MPP4: variants seen among roughly 807,000 people sequenced by gnomAD.
The protein encoded by MPP4 is MAGUK p55 scaffold protein 4.
In MPP4, 91 loss-of-function variants were observed where a neutral mutation model predicts 98.3. The ratio of observed to expected loss-of-function variants is 0.93; its 90% CI spans 0.78 to 1.10. MPP4 has a LOEUF of 1.10. MPP4 is among the 50% of genes least tolerant of loss of function. MPP4 has a pLI of 0.00. For synonymous variants in MPP4, 261 were observed against 271.8 expected (o/e 0.96, Z 0.39); for missense variants, 744 against 792.9 (o/e 0.94, Z 0.74).
At chr2:201,654,809 A>G in intron 18 of MPP4, 28 bp downstream of exon 18, 1 of 1,545,870 alleles carries the variant, frequency 6.5e-7, no homozygotes, top group Non-Finnish European at 8.8e-7. Context: ...CAAAACACAA[A>G]CCATTATGAA....
rs1687685012 is a variant in MPP4 at position 201,650,495 on chromosome 2, C to T, written c.1382-330G>A. On this transcript the variant is annotated intron_variant, in intron 18 of 21. Transcript: ENST00000409474. ...GAACCTTTAGATGCCTGAAAGCTCC[C>T]AGGTAGCAATACCAATAATATCTTA... 3 of 985,378 alleles carry T rather than the reference C, an allele frequency of 3.0e-6. No homozygotes were observed. In the African/African-American group the frequency reaches 5.2e-5, roughly 17 times the overall value. 61.0% of individuals were successfully genotyped at this position (985,378 alleles called of 1,614,324 possible).
intron 18 of MPP4, chr2:201,650,513 A>G (rs769571168): frequency 1.7e-5 from 17 of 985,312 alleles, no homozygotes; most frequent in Non-Finnish European, 2.0e-5. Context: ...AATACCAATA[A>G]TATCTTACAT....
chr2:201,693,062 AGGTGCG>A (rs1689084486), intron 2 of MPP4, 33 bp from the exon 3 acceptor site: 1 of 1,600,160 alleles, frequency 6.2e-7, no homozygotes, highest in African/African-American at 1.3e-5. Context: ...ATGGGGTGGC[AGGTGCG>A]GGTGTAAATG....
At chr2:201,694,608 CTTTTTTTTTTTTT>C (rs777556505) in intron 1 of MPP4, among the ~76,000 whole-genome samples, 8 of 78,870 alleles carry the variant, frequency 1.0e-4, no homozygotes, top group South Asian at 1.1e-3. Context: ...TTCTTTTTCC[CTTTTTTTTTTTTT>C]TTTTTTTTTT....
At chr2:201,692,078 C>T (rs533884002) in intron 3 of MPP4, among the ~76,000 whole-genome samples, 52 of 152,220 alleles carry the variant, frequency 3.4e-4, no homozygotes, top group Non-Finnish European at 6.0e-4. Context: ...TTCTCCTCCA[C>T]CTAAGTTAAT....
At chr2:201,658,153 T>C (rs951595222) in intron 16 of MPP4, among the ~76,000 whole-genome samples, 1 of 152,116 alleles carries the variant, frequency 6.6e-6, no homozygotes, top group Non-Finnish European at 1.5e-5. Context: ...GATAGAAATG[T>C]GGCCATAAGA....
intron 16 of MPP4, among the ~76,000 whole-genome samples, chr2:201,658,049 C>G (rs1399876519): frequency 6.6e-6 from 1 of 151,110 alleles, no homozygotes; most frequent in Non-Finnish European, 1.5e-5. Context: ...TGCGGCTCTG[C>G]TAGTTTTCCC....
In MPP4 at chr2:201,686,027, C is replaced by T. The variant is rs766620974; in HGVS notation, c.384G>A (p.Thr128=). The T allele has an allele frequency of 8.1e-6, 13 of 1,612,074 alleles. No homozygotes were observed. Among genetic ancestry groups the T allele is most frequent in the Middle Eastern group, 1.7e-4 (1 of 6,040 alleles). The change falls in exon 6 of 22, where the codon ACG becomes ACA. Residue 128 remains threonine, a synonymous_variant. Coordinates refer to ENST00000409474, the MANE Select transcript of MPP4 (RefSeq NM_033066.3). ...HFKALLSAHD[T]IAQKDFEPLL... is the part of the protein sequence containing the mutation. Reference sequence around the variant, plus strand: ...GGGGTTCAAAATCTTTCTGAGCTATCGTGTCATGGGCACTGAGCAAGGCCT... The same window carrying T: ...GGGGTTCAAAATCTTTCTGAGCTATTGTGTCATGGGCACTGAGCAAGGCCT...
intron 13 of MPP4, chr2:201,664,413 T>C: frequency 1.6e-5 from 17 of 1,092,584 alleles, no homozygotes; most frequent in Non-Finnish European, 2.1e-5. Flanking sequence ...GAAAGTGGAA[T>C]GTCAGGGAAA....
chr2:201,648,482 A>T (rs1343418465), intron 20 of MPP4, among the ~76,000 whole-genome samples: 1 of 152,242 alleles, frequency 6.6e-6, no homozygotes, highest in East Asian at 1.9e-4. Context: ...TTGAAGATGT[A>T]GTTTTAGAAT....
chr2:201,687,479 A>C, intron 4 of MPP4, 108 bp from the exon 5 acceptor site: 1 of 752,484 alleles, frequency 1.3e-6, no homozygotes, highest in Non-Finnish European at 2.1e-6. Context: ...TTGACCTTTA[A>C]AAAGCTATTA....
intron 10 of MPP4, among the ~76,000 whole-genome samples, chr2:201,678,586 T>C (rs1333779958): frequency 6.6e-6 from 1 of 152,170 alleles, no homozygotes. Flanking sequence ...TGCTGATTTC[T>C]ACAGTGTTGA....
chr2:201,672,204 C>G (rs1188262273), intron 11 of MPP4, among the ~76,000 whole-genome samples: 2 of 152,070 alleles, frequency 1.3e-5, no homozygotes, highest in East Asian at 3.9e-4. Flanking sequence ...GCAATGAGAA[C>G]AAAGACACAA....
intron 12 of MPP4, among the ~76,000 whole-genome samples, chr2:201,668,007 T>C (rs529441484): frequency 6.6e-6 from 1 of 152,346 alleles, no homozygotes; most frequent in African/African-American, 2.4e-5. Context: ...AATAATTAGA[T>C]TGTTATTAGC....
At chr2:201,672,485 AATAG>A (rs1382117501) in intron 11 of MPP4, among the ~76,000 whole-genome samples, 19 of 152,102 alleles carry the variant, frequency 1.2e-4, no homozygotes, top group Admixed American at 7.2e-4. Flanking sequence ...AGATTAAGAA[AATAG>A]ATAGACCACT....
chr2:201,662,757 A>T lies in MPP4; in HGVS notation c.1072+1324T>A, dbSNP rs1441055861. Among the ~76,000 whole-genome samples the T allele has an allele frequency of 2.0e-5, 3 of 152,140 alleles. No homozygotes were observed. In the South Asian group the frequency reaches 6.2e-4, roughly 32 times the overall value. ...AGATTTATTTGTATGTGATAAGAGA[A>T]AGAAGAAAATTGCCTTAATTGGGGT... On this transcript the variant is annotated intron_variant, in intron 14 of 21. Transcript: ENST00000409474.
intron 15 of MPP4, 74 bp downstream of exon 15, chr2:201,660,258 G>T: frequency 1.6e-6 from 2 of 1,275,884 alleles, no homozygotes; most frequent in Non-Finnish European, 2.3e-6. Context: ...ATCCAGTCAA[G>T]TATTCATTTT....
At chr2:201,664,492 C>G (rs1688113488) in intron 13 of MPP4, among the ~76,000 whole-genome samples, 1 of 151,706 alleles carries the variant, frequency 6.6e-6, no homozygotes, top group South Asian at 2.1e-4. Context: ...GGGGTGCACC[C>G]TGCCTGAAGA....
At chr2:201,657,540 C>T (rs192912110) in intron 16 of MPP4, among the ~76,000 whole-genome samples, 5 of 147,848 alleles carry the variant, frequency 3.4e-5, no homozygotes, top group Non-Finnish European at 7.4e-5. Context: ...CTAGACTTCC[C>T]CTTTCCATGT....
Sources: allele counts gnomAD v4.1 joint callset (sites outside exome capture counted in the v4.1 genomes callset), GRCh38; gene constraint gnomAD v4.1.1; transcripts MANE v1.5; gene names NCBI Gene and HGNC (gene_info 2026-07-23, HGNC 2026-07-21).